Variants in DPP10 observed in about 807,000 individuals in gnomAD.
The protein encoded by DPP10 is inactive dipeptidyl peptidase 10.
DPP10 carries 33 observed loss-of-function variants against 120.9 expected under a neutral mutation model. That is an observed-to-expected ratio of 0.27 (90% CI 0.21 to 0.37). The LOEUF (loss-of-function observed/expected upper bound fraction) is 0.37, where lower values mean the gene tolerates loss of function less well. Ranked by LOEUF, DPP10 falls within the 10% of genes least tolerant of loss-of-function variation. DPP10 has a pLI of 1.00. For synonymous variants in DPP10, 337 were observed against 326.1 expected, an observed-to-expected ratio of 1.03 and a Z score of -0.36; for missense variants, 816 against 942.8, an observed-to-expected ratio of 0.87 and a Z score of 1.76.
At chr2:115,805,113 C>T (rs1685764196) in intron 19 of DPP10, among the ~76,000 whole-genome samples, 1 of 152,162 alleles carries the variant, frequency 6.6e-6, no homozygotes, top group African/African-American at 2.4e-5. Flanking sequence ...TGTTTATCTA[C>T]TCAAGCCTCA....
intron 1 of DPP10, among the ~76,000 whole-genome samples, chr2:114,512,000 CT>C (rs1344119879): frequency 1.3e-5 from 2 of 152,218 alleles, no homozygotes; most frequent in Non-Finnish European, 2.9e-5. Flanking sequence ...AAACAATAAT[CT>C]TTAAAGATCT....
chr2:114,668,797 C>G (rs1478519552), intron 1 of DPP10, among the ~76,000 whole-genome samples: 1 of 152,088 alleles, frequency 6.6e-6, no homozygotes, highest in Non-Finnish European at 1.5e-5. Context: ...GTTCCCTCCT[C>G]TATTCTCTGA....
At chr2:114,894,143 C>A (rs1692775836) in intron 1 of DPP10, among the ~76,000 whole-genome samples, 1 of 152,098 alleles carries the variant, frequency 6.6e-6, no homozygotes, top group Non-Finnish European at 1.5e-5. Context: ...TGCTATGTGG[C>A]AAGTTTTTCT....
chr2:115,198,659 C>CT (rs942410110), intron 1 of DPP10, among the ~76,000 whole-genome samples: 14 of 152,112 alleles, frequency 9.2e-5, no homozygotes, highest in Non-Finnish European at 5.9e-5. Flanking sequence ...TCACTTTTTA[C>CT]TTATTTATTC....
intron 19 of DPP10, among the ~76,000 whole-genome samples, chr2:115,793,355 A>G (rs1231973228): frequency 1.3e-5 from 2 of 152,164 alleles, no homozygotes; most frequent in Non-Finnish European, 2.9e-5. Flanking sequence ...ATATTACCAT[A>G]GTTTTTGGTA....
At chr2:114,850,091 G>C (rs1225630943) in intron 1 of DPP10, among the ~76,000 whole-genome samples, 1 of 126,232 alleles carries the variant, frequency 7.9e-6, no homozygotes. Context: ...TCTCTATGTT[G>C]CCCAGGCTGG....
At chr2:115,066,526 C>T (rs973418976) in intron 1 of DPP10, 39 of 152,100 alleles carry the variant, frequency 2.6e-4, no homozygotes, top group African/African-American at 9.2e-4. Flanking sequence ...TATAATATCT[C>T]TCAAATTTTT....
intron 1 of DPP10, among the ~76,000 whole-genome samples, chr2:115,102,382 TG>T (rs1419417286): frequency 6.7e-6 from 1 of 149,638 alleles, no homozygotes; most frequent in African/African-American, 2.5e-5. Flanking sequence ...GTTAATAACA[TG>T]GGGGAGGGGT....
At chr2:115,279,649 C>CT (rs2060068274) in intron 1 of DPP10, among the ~76,000 whole-genome samples, 16 of 49,978 alleles carry the variant, frequency 3.2e-4, no homozygotes, top group South Asian at 1.3e-3. Flanking sequence ...TTCTTTTTTT[C>CT]TTCTTCTTTT....
At chr2:115,060,989 T>C (rs552430389) in intron 1 of DPP10, among the ~76,000 whole-genome samples, 1 of 152,272 alleles carries the variant, frequency 6.6e-6, no homozygotes, top group South Asian at 2.1e-4. Flanking sequence ...TCATAATGGA[T>C]TTGAAAATCC....
chr2:115,625,389 G>A (rs1401514694), intron 5 of DPP10, among the ~76,000 whole-genome samples: 1 of 152,078 alleles, frequency 6.6e-6, no homozygotes, highest in Non-Finnish European at 1.5e-5. Context: ...TGTAACTATA[G>A]CCAGATCAAA....
At chr2:114,918,597 A>G (rs988358863) in intron 1 of DPP10, among the ~76,000 whole-genome samples, 1 of 152,186 alleles carries the variant, frequency 6.6e-6, no homozygotes, top group Admixed American at 6.5e-5. Context: ...TACATACACC[A>G]TGGAATACTA....
At chr2:115,220,308 G>A (rs1456964937) in intron 1 of DPP10, among the ~76,000 whole-genome samples, 1 of 152,270 alleles carries the variant, frequency 6.6e-6, no homozygotes, top group East Asian at 1.9e-4. Flanking sequence ...GTCTTTATGA[G>A]TCAGTGTGAA....
At chr2:115,828,570 G>C (rs1373686760) in intron 21 of DPP10, among the ~76,000 whole-genome samples, 1 of 151,650 alleles carries the variant, frequency 6.6e-6, no homozygotes, top group Non-Finnish European at 1.5e-5. Flanking sequence ...GCATTTCTTT[G>C]TATGTTCCAT....
At chr2:114,513,973 G>A (rs546655567) in intron 1 of DPP10, among the ~76,000 whole-genome samples, 13 of 152,236 alleles carry the variant, frequency 8.5e-5, no homozygotes, top group Middle Eastern at 3.4e-3. Context: ...CATAAAATAC[G>A]GGAAACCTGG....
intron 5 of DPP10, among the ~76,000 whole-genome samples, chr2:115,543,613 TTTA>T (rs2148973140): frequency 6.6e-6 from 1 of 152,064 alleles, no homozygotes; most frequent in African/African-American, 2.4e-5. Context: ...ATATAAACTC[TTTA>T]AAGGCAGACA....
intron 1 of DPP10, among the ~76,000 whole-genome samples, chr2:114,743,958 A>G (rs920043358): frequency 1.3e-5 from 2 of 152,158 alleles, no homozygotes; most frequent in Non-Finnish European, 2.9e-5. Flanking sequence ...ATCGAAGGTT[A>G]TAAGTATTCT....
chr2:115,432,659 T>TTGTGTGTG (rs59844767), intron 3 of DPP10, among the ~76,000 whole-genome samples: 32,765 of 137,284 alleles, frequency 0.24, 4,508 homozygotes, highest in Non-Finnish European at 0.32. Context: ...ATAGGCAATT[T>TTGTGTGTG]TGTGTGTGTG....
intron 3 of DPP10, among the ~76,000 whole-genome samples, chr2:115,379,283 G>C (rs2066086770): frequency 6.6e-6 from 1 of 152,180 alleles, no homozygotes; most frequent in African/African-American, 2.4e-5. Context: ...AGTCTTGGGA[G>C]AGTGTATGTG....
Sources: allele counts gnomAD v4.1 joint callset (sites outside exome capture counted in the v4.1 genomes callset), GRCh38; gene constraint gnomAD v4.1.1; transcripts MANE v1.5; gene names NCBI Gene and HGNC (gene_info 2026-07-23, HGNC 2026-07-21).